Variants in NEDD4L observed in about 807,000 individuals in gnomAD.
NEDD4L encodes E3 ubiquitin-protein ligase NEDD4-like.
Under a neutral mutation model 148.9 loss-of-function variants are expected in NEDD4L, and 54 were observed. That is an observed-to-expected ratio of 0.36 (90% CI 0.29 to 0.45). NEDD4L has a LOEUF of 0.45. Ranked by LOEUF, NEDD4L falls within the 20% of genes least tolerant of loss-of-function variation. The probability of loss-of-function intolerance (pLI) is 1.00; values close to 1 mark genes in which losing one functional copy is unlikely to be tolerated. For synonymous variants in NEDD4L, 433 were observed against 440.7 expected (o/e 0.98, Z 0.22); for missense variants, 856 against 1,233.8 (o/e 0.69, Z 4.59).
At chr18:58,069,137 A>C (rs1428087854) in intron 1 of NEDD4L, among the ~76,000 whole-genome samples, 7 of 84,986 alleles carry the variant, frequency 8.2e-5, no homozygotes, top group African/African-American at 7.2e-4. Context: ...ATCTGTCTCC[A>C]AAAAAAAAAA....
intron 5 of NEDD4L, among the ~76,000 whole-genome samples, chr18:58,262,902 T>A (rs1043002422): frequency 9.9e-5 from 15 of 152,202 alleles, no homozygotes; most frequent in African/African-American, 3.6e-4. Flanking sequence ...CACCATGTTT[T>A]GACAGGAAGC....
At chr18:58,244,464 G>T (rs780364410) in intron 2 of NEDD4L, among the ~76,000 whole-genome samples, 4 of 152,172 alleles carry the variant, frequency 2.6e-5, no homozygotes, top group Non-Finnish European at 5.9e-5. Flanking sequence ...TAGATAGTCC[G>T]CAGTAATCCT....
chr18:58,354,925 G>T (rs905132577), intron 18 of NEDD4L, among the ~76,000 whole-genome samples: 4 of 152,314 alleles, frequency 2.6e-5, no homozygotes, highest in African/African-American at 9.6e-5. Flanking sequence ...CCTAGGATGC[G>T]TGGAGGTGTG....
At chr18:58,390,253 A>C in intron 28 of NEDD4L, 1 of 159,710 alleles carries the variant, frequency 6.3e-6, no homozygotes, top group Non-Finnish European at 1.4e-5. Context: ...CTTCTAGGGA[A>C]CGTGTCTACA....
intron 5 of NEDD4L, among the ~76,000 whole-genome samples, chr18:58,266,769 T>A (rs2050278948): frequency 6.6e-6 from 1 of 152,154 alleles, no homozygotes; most frequent in South Asian, 2.1e-4. Context: ...GGAGTGATTT[T>A]TAAACACTTA....
intron 1 of NEDD4L, among the ~76,000 whole-genome samples, chr18:58,147,025 C>T (rs1386675871): frequency 6.6e-6 from 1 of 152,116 alleles, no homozygotes; most frequent in Non-Finnish European, 1.5e-5. Flanking sequence ...AGGTGTCGGG[C>T]CCAGGATGCG....
At chr18:58,328,222 C>A (rs575963928) in intron 9 of NEDD4L, among the ~76,000 whole-genome samples, 1 of 152,294 alleles carries the variant, frequency 6.6e-6, no homozygotes, top group Admixed American at 6.5e-5. Context: ...GCCTTGGCCT[C>A]CCAAAGTGCT....
intron 1 of NEDD4L, among the ~76,000 whole-genome samples, chr18:58,127,524 C>T (rs568974586): frequency 4.0e-5 from 6 of 150,904 alleles, no homozygotes; most frequent in South Asian, 2.1e-4. Context: ...GGCAACATGG[C>T]GAAACCTCAC....
chr18:58,185,657 T>TGA (rs1470443011), intron 2 of NEDD4L, among the ~76,000 whole-genome samples: 1 of 152,170 alleles, frequency 6.6e-6, no homozygotes, highest in Non-Finnish European at 1.5e-5. Context: ...GTGGATCACC[T>TGA]GAGGTCAGGA....
In NEDD4L at chr18:58,337,575, A is replaced by AT. The variant is rs541933470; in HGVS notation, c.1125+2046dup. ...GGTACACATTGTGCCACTTTATTTT[A>AT]TTTTTTTTAAATGGGATGTCATGTA... On this transcript the variant is annotated intron_variant, in intron 13 of 30. Transcript: ENST00000400345. 2.0e-3 allele frequency among the ~76,000 whole-genome samples: 302 copies of AT among 151,284 alleles called. 2 individuals carry two copies. The highest frequency in any genetic ancestry group is 6.9e-3 in the African/African-American group (285 of 41,198).
At chr18:58,247,903 GT>G (rs1223359482) in intron 3 of NEDD4L, among the ~76,000 whole-genome samples, 1 of 152,222 alleles carries the variant, frequency 6.6e-6, no homozygotes, top group African/African-American at 2.4e-5. Flanking sequence ...TGAATTCACT[GT>G]GGAGTTGTGG....
At chr18:58,151,625 A>ATGTGTGTG (rs113714456) in intron 1 of NEDD4L, among the ~76,000 whole-genome samples, 2,528 of 141,046 alleles carry the variant, frequency 0.018, 39 homozygotes, top group African/African-American at 0.037. Context: ...GTGCCTGGAT[A>ATGTGTGTG]TGTGTGTGTG....
At chr18:58,247,365 C>CG (rs1366945899) in intron 3 of NEDD4L, 3 of 152,124 alleles carry the variant, frequency 2.0e-5, no homozygotes, top group Non-Finnish European at 4.4e-5. Context: ...CTGCGAGGGA[C>CG]GGAGGCCATT....
At chr18:58,094,681 C>A (rs1599230388) in intron 1 of NEDD4L, among the ~76,000 whole-genome samples, 1 of 152,132 alleles carries the variant, frequency 6.6e-6, no homozygotes, top group Non-Finnish European at 1.5e-5. Context: ...ATGGACTCCA[C>A]CCCTGCTGTG....
intron 5 of NEDD4L, among the ~76,000 whole-genome samples, chr18:58,272,633 G>GA (rs112922912): frequency 0.012 from 1,521 of 130,596 alleles, 25 homozygotes; most frequent in African/African-American, 0.038. Context: ...CTGTCTCAAA[G>GA]AAAAAAAAAA....
At chr18:58,318,852 T>A (rs532530237) in intron 6 of NEDD4L, among the ~76,000 whole-genome samples, 1 of 152,236 alleles carries the variant, frequency 6.6e-6, no homozygotes, top group Non-Finnish European at 1.5e-5. Context: ...AGCCACAAAA[T>A]CTCTTCGTCC....
chr18:58,292,612 C>G (rs1408432769), intron 5 of NEDD4L, among the ~76,000 whole-genome samples: 1 of 152,206 alleles, frequency 6.6e-6, no homozygotes, highest in Non-Finnish European at 1.5e-5. Flanking sequence ...ATAGATGGTT[C>G]TATATATGTC....
chr18:58,175,960 G>C (rs1198758660), intron 2 of NEDD4L, among the ~76,000 whole-genome samples: 4 of 152,196 alleles, frequency 2.6e-5, no homozygotes, highest in Admixed American at 1.3e-4. Context: ...AATGCACAGA[G>C]CTGGCAAATC....
intron 2 of NEDD4L, among the ~76,000 whole-genome samples, chr18:58,225,132 G>C (rs553478685): frequency 6.6e-6 from 1 of 152,138 alleles, no homozygotes; most frequent in South Asian, 2.1e-4. Flanking sequence ...AGAGAGAAAG[G>C]GGTATTGGGG....
Sources: allele counts gnomAD v4.1 joint callset (sites outside exome capture counted in the v4.1 genomes callset), GRCh38; gene constraint gnomAD v4.1.1; transcripts MANE v1.5; gene names NCBI Gene and HGNC (gene_info 2026-07-23, HGNC 2026-07-21).